Variants in PTPRD observed in about 807,000 individuals in gnomAD.
PTPRD encodes the protein protein tyrosine phosphatase receptor type D.
PTPRD carries 34 observed loss-of-function variants against 214.5 expected under a neutral mutation model. The observed-to-expected ratio is 0.16, with a 90% confidence interval of 0.12 to 0.21. The LOEUF is 0.21. Ranked by LOEUF, PTPRD falls within the 10% of genes least tolerant of loss-of-function variation. PTPRD has a pLI of 1.00. For missense variants in PTPRD, 2,545 were observed against 2,398.7 expected, an observed-to-expected ratio of 1.06 and a Z score of -1.27; for synonymous variants, 1,128 against 845.7, an observed-to-expected ratio of 1.33 and a Z score of -5.79.
At chr9:9,237,226 C>T (rs964888777) in intron 9 of PTPRD, among the ~76,000 whole-genome samples, 3 of 152,056 alleles carry the variant, frequency 2.0e-5, no homozygotes, top group Non-Finnish European at 2.9e-5. Context: ...TGGGTGAGCC[C>T]CTCAATAGCA....
At chr9:9,311,855 T>C (rs202063290) in intron 9 of PTPRD, among the ~76,000 whole-genome samples, 2 of 152,168 alleles carry the variant, frequency 1.3e-5, no homozygotes, top group African/African-American at 4.8e-5. Context: ...TAGATAAAAA[T>C]AGAATGTTTA....
At chr9:9,678,103 T>C (rs977126916) in intron 7 of PTPRD, among the ~76,000 whole-genome samples, 1 of 152,096 alleles carries the variant, frequency 6.6e-6, no homozygotes, top group African/African-American at 2.4e-5. Context: ...TCCATGCTCA[T>C]GGGTAGGAAG....
intron 14 of PTPRD, among the ~76,000 whole-genome samples, chr9:8,602,376 C>T (rs1420262675): frequency 6.6e-6 from 1 of 152,146 alleles, no homozygotes; most frequent in East Asian, 1.9e-4. Flanking sequence ...GGTGCTTCTT[C>T]TCTCCACTTA....
chr9:9,899,617 A>C (rs114193074), intron 5 of PTPRD, among the ~76,000 whole-genome samples: 6 of 152,022 alleles, frequency 3.9e-5, no homozygotes, highest in African/African-American at 1.4e-4. Context: ...AAGTTAGTAC[A>C]GCTATTATGG....
chr9:9,458,717 G>T (rs541176364), intron 8 of PTPRD, among the ~76,000 whole-genome samples: 2 of 152,152 alleles, frequency 1.3e-5, no homozygotes, highest in South Asian at 2.1e-4. Context: ...AAGGTAGGTG[G>T]ATTGCTTCAG....
chr9:9,808,075 T>C (rs1373330390), intron 5 of PTPRD, among the ~76,000 whole-genome samples: 1 of 152,162 alleles, frequency 6.6e-6, no homozygotes, highest in African/African-American at 2.4e-5. Context: ...CTTGAGAATA[T>C]ATGAATATAT....
At chr9:9,275,030 A>C (rs1944421266) in intron 9 of PTPRD, among the ~76,000 whole-genome samples, 1 of 116,712 alleles carries the variant, frequency 8.6e-6, no homozygotes, top group African/African-American at 3.3e-5. Flanking sequence ...GGACCATCAA[A>C]ATCCCTTTGT....
chr9:9,385,282 T>C (rs1053847841), intron 9 of PTPRD, among the ~76,000 whole-genome samples: 8 of 152,168 alleles, frequency 5.3e-5, no homozygotes, highest in African/African-American at 1.9e-4. Flanking sequence ...CAAACATTTA[T>C]TTGCCACAGT....
intron 11 of PTPRD, among the ~76,000 whole-genome samples, chr9:8,804,238 C>T (rs190429662): frequency 6.6e-6 from 1 of 152,214 alleles, no homozygotes; most frequent in African/African-American, 2.4e-5. Context: ...CAAGCGTGAG[C>T]CACTGTGCCC....
At chr9:8,822,444 C>T (rs530480763) in intron 11 of PTPRD, among the ~76,000 whole-genome samples, 3 of 152,264 alleles carry the variant, frequency 2.0e-5, no homozygotes, top group Admixed American at 6.5e-5. Context: ...CACAGCCAGG[C>T]GCTCACTACA....
At chr9:10,480,463 G>A (rs891241503) in intron 2 of PTPRD, among the ~76,000 whole-genome samples, 9 of 152,018 alleles carry the variant, frequency 5.9e-5, no homozygotes, top group African/African-American at 1.2e-4. Context: ...TGTTACAAAC[G>A]CTATTTTGGT....
chr9:9,774,564 A>C (rs1192639058), intron 5 of PTPRD, among the ~76,000 whole-genome samples: 1 of 152,184 alleles, frequency 6.6e-6, no homozygotes, highest in Non-Finnish European at 1.5e-5. Context: ...CAGCCAGCTA[A>C]GGCCACCAGC....
At chr9:9,951,264 G>C (rs907919691) in intron 4 of PTPRD, among the ~76,000 whole-genome samples, 1 of 152,226 alleles carries the variant, frequency 6.6e-6, no homozygotes. Context: ...TCTAAGGCAA[G>C]CTATAAAAGC....
intron 3 of PTPRD, among the ~76,000 whole-genome samples, chr9:10,271,289 A>G (rs2094403959): frequency 6.6e-6 from 1 of 152,132 alleles, no homozygotes; most frequent in Non-Finnish European, 1.5e-5. Context: ...ATCTATGTAC[A>G]TTTGCATTTT....
chr9:8,450,958 G>C (rs1158567369), intron 33 of PTPRD, among the ~76,000 whole-genome samples: 2 of 152,132 alleles, frequency 1.3e-5, no homozygotes, highest in African/African-American at 2.4e-5. Context: ...GTGCTGCACA[G>C]TGTTTAGGAA....
At chr9:9,844,516 C>T (rs1389052181) in intron 5 of PTPRD, among the ~76,000 whole-genome samples, 1 of 151,310 alleles carries the variant, frequency 6.6e-6, no homozygotes, top group Non-Finnish European at 1.5e-5. Flanking sequence ...TGCCTGGGTG[C>T]CTAGAAAATA....
In PTPRD at chr9:8,822,089, G is replaced by A. The variant is rs566223403; in HGVS notation, c.-103-88143C>T. ...TGAAAGCAGAAAACACATTTTTAGT[G>A]GTTTTGGTTTTGGTTTTGTTTTGCT... On this transcript the variant is annotated intron_variant, in intron 11 of 45. Coordinates refer to ENST00000381196, the MANE Select transcript of PTPRD (RefSeq NM_002839.4). 1.4e-4 allele frequency among the ~76,000 whole-genome samples: 21 copies of A among 152,276 alleles called. No individual in the cohort carries two copies. In the South Asian group the frequency reaches 2.9e-3, roughly 21 times the overall value.
intron 2 of PTPRD, among the ~76,000 whole-genome samples, chr9:10,499,288 T>C (rs2042974670): frequency 1.3e-5 from 2 of 151,970 alleles, no homozygotes. Context: ...TGTTTGGTTT[T>C]CTGTTCTTGT....
chr9:9,867,381 G>A (rs2064242255), intron 5 of PTPRD, among the ~76,000 whole-genome samples: 1 of 151,898 alleles, frequency 6.6e-6, no homozygotes, highest in Non-Finnish European at 1.5e-5. Flanking sequence ...CCTCTTGTTG[G>A]GTGGGATTAA....
Sources: gnomAD v4.1 joint callset for allele counts (sites outside exome capture counted in the v4.1 genomes callset) on GRCh38, gnomAD v4.1.1 for gene constraint, MANE v1.5 for transcripts, NCBI Gene and HGNC (gene_info 2026-07-23, HGNC 2026-07-21) for gene names.